The following ROBO1 variants were observed in gnomAD, a reference collection of about 807,000 sequenced individuals.
The protein encoded by ROBO1 is roundabout guidance receptor 1, also known as roundabout homolog 1.
Under a neutral mutation model 195.9 loss-of-function variants are expected in ROBO1, and 149 were observed. The observed-to-expected ratio is 0.76, with a 90% confidence interval of 0.67 to 0.87. The LOEUF (loss-of-function observed/expected upper bound fraction) is 0.87. Among genes scored for constraint, ROBO1 ranks in the 40% least tolerant of loss-of-function variants. The pLI, the probability that ROBO1 is intolerant of heterozygous loss-of-function variation, is 0.00. For missense variants in ROBO1, 1,933 were observed against 2,068.3 expected, an observed-to-expected ratio of 0.93 and a Z score of 1.27; for synonymous variants, 816 against 733.2, an observed-to-expected ratio of 1.11 and a Z score of -1.82.
At chr3:79,305,948 A>C (rs2033198639) in intron 2 of ROBO1, among the ~76,000 whole-genome samples, 3 of 152,322 alleles carry the variant, frequency 2.0e-5, no homozygotes, top group Admixed American at 2.0e-4. Context: ...ATAGCCATGG[A>C]AAGAGAGTGT....
chr3:79,676,879 C>A (rs1194279526), intron 1 of ROBO1, among the ~76,000 whole-genome samples: 1 of 152,026 alleles, frequency 6.6e-6, no homozygotes, highest in Non-Finnish European at 1.5e-5. Flanking sequence ...TGGAACCATA[C>A]TTAGGATCCA....
intron 2 of ROBO1, among the ~76,000 whole-genome samples, chr3:79,322,126 T>A (rs2034007333): frequency 6.6e-6 from 1 of 152,182 alleles, no homozygotes; most frequent in Non-Finnish European, 1.5e-5. Context: ...TTGCTTTACT[T>A]AAACAAATTA....
intron 2 of ROBO1, among the ~76,000 whole-genome samples, chr3:79,550,571 A>C (rs776712497): frequency 2.6e-5 from 4 of 152,248 alleles, no homozygotes; most frequent in Non-Finnish European, 2.9e-5. Context: ...TTTGGAATAC[A>C]TAAACCACTT....
At chr3:78,646,237 T>C in intron 20 of ROBO1, 47 bp from the exon 21 acceptor site, 1 of 1,541,442 alleles carries the variant, frequency 6.5e-7, no homozygotes, top group Non-Finnish European at 8.9e-7. Flanking sequence ...GACATATTTA[T>C]ATATCAAAAG....
At chr3:79,730,719 T>C (rs1474213153) in intron 1 of ROBO1, among the ~76,000 whole-genome samples, 1 of 151,806 alleles carries the variant, frequency 6.6e-6, no homozygotes, top group African/African-American at 2.4e-5. Context: ...GAATGGCAGT[T>C]GAAACAGTAA....
At chr3:79,580,401 G>A (rs1943621721) in intron 2 of ROBO1, among the ~76,000 whole-genome samples, 2 of 151,872 alleles carry the variant, frequency 1.3e-5, no homozygotes, top group Admixed American at 6.6e-5. Context: ...TTGGACCCTT[G>A]AGCCCAGGAG....
At chr3:79,030,107 G>T (rs901591886) in intron 3 of ROBO1, among the ~76,000 whole-genome samples, 9 of 152,154 alleles carry the variant, frequency 5.9e-5, no homozygotes, top group African/African-American at 2.2e-4. Flanking sequence ...CATGCTTTTG[G>T]CATTTCATCT....
At chr3:78,877,681 C>A (rs1440805341) in intron 4 of ROBO1, among the ~76,000 whole-genome samples, 1 of 152,110 alleles carries the variant, frequency 6.6e-6, no homozygotes, top group Admixed American at 6.5e-5. Context: ...CCTAAAGTAT[C>A]CCTGTAAACA....
Position 79,613,401 on chromosome 3 carries a change from G to C in ROBO1, c.-50-23440C>G, listed in dbSNP as rs943050249. Among the ~76,000 whole-genome samples the C allele has an allele frequency of 4.1e-4, 63 of 151,858 alleles. 1 individual carries two copies. Among genetic ancestry groups the C allele is most frequent in the Non-Finnish European group, 8.5e-4 (58 of 67,890 alleles). ...CAACAGCTGAGAAAGAAAGAAAGAA[G>C]TATAACTAACAAGCCAATAGTAGAT... On this transcript the variant is annotated intron_variant, in intron 1 of 30. Transcript: ENST00000464233.
chr3:79,182,815 C>T (rs954506990), intron 2 of ROBO1, among the ~76,000 whole-genome samples: 1 of 152,136 alleles, frequency 6.6e-6, no homozygotes, highest in African/African-American at 2.4e-5. Flanking sequence ...TGTAGTGGCT[C>T]ATGCCTGTAA....
chr3:79,726,201 C>T (rs940679944), intron 1 of ROBO1, among the ~76,000 whole-genome samples: 4 of 152,192 alleles, frequency 2.6e-5, no homozygotes, highest in African/African-American at 9.6e-5. Flanking sequence ...CAAAGAATGC[C>T]TTAGGGCATT....
intron 2 of ROBO1, among the ~76,000 whole-genome samples, chr3:79,568,923 A>C (rs533228584): frequency 6.6e-6 from 1 of 152,276 alleles, no homozygotes; most frequent in East Asian, 1.9e-4. Context: ...ATTTTGTTAC[A>C]TTTTTATTTT....
At chr3:79,356,633 T>TCTTTATCAGG (rs2035565694) in intron 2 of ROBO1, among the ~76,000 whole-genome samples, 1 of 152,210 alleles carries the variant, frequency 6.6e-6, no homozygotes, top group South Asian at 2.1e-4. Flanking sequence ...ACAAGACTCA[T>TCTTTATCAGG]AAGGTAACAA....
In ROBO1 at chr3:78,847,410, G is replaced by A. The variant is rs189326395; in HGVS notation, c.499+91191C>T. Among the ~76,000 whole-genome samples, 69 of 152,184 alleles carry A rather than the reference G, an allele frequency of 4.5e-4. 2 individuals are homozygous for A. In the East Asian group the frequency reaches 0.012, roughly 27 times the overall value. On this transcript the variant is annotated intron_variant, in intron 4 of 30. Transcript: ENST00000464233. ...AACGCATGTGCAAAGCTGGTAGCTC[G>A]TGGAGATTAGTTCCGCCAGAATGTA...
chr3:79,549,494 T>A (rs1457346848), intron 2 of ROBO1, among the ~76,000 whole-genome samples: 1 of 152,184 alleles, frequency 6.6e-6, no homozygotes, highest in African/African-American at 2.4e-5. Context: ...ATTGAAATTA[T>A]TTTTTAATAA....
intron 2 of ROBO1, among the ~76,000 whole-genome samples, chr3:79,154,888 A>C (rs895119093): frequency 6.6e-6 from 1 of 151,832 alleles, no homozygotes; most frequent in Non-Finnish European, 1.5e-5. Flanking sequence ...ATTTGCAATC[A>C]GTTTATTTAG....
chr3:79,466,921 C>T lies in ROBO1; in HGVS notation c.88+122903G>A, dbSNP rs377696751. 1.3e-5 allele frequency among the ~76,000 whole-genome samples: 2 copies of T among 151,826 alleles called. 1 individual carries two copies. Among genetic ancestry groups the T allele is most frequent in the Non-Finnish European group, 2.9e-5 (2 of 67,980 alleles). On this transcript the variant is annotated intron_variant, in intron 2 of 30. Coordinates refer to ENST00000464233, the MANE Select transcript of ROBO1 (RefSeq NM_002941.4). ...TCCAGAGGAAGCTTGGTCAAAATGA[C>T]GAAGATGGTGGAAACTATGATACTA...
intron 3 of ROBO1, among the ~76,000 whole-genome samples, chr3:78,975,049 G>C (rs933184956): frequency 6.6e-6 from 1 of 151,978 alleles, no homozygotes; most frequent in African/African-American, 2.4e-5. Context: ...TAATTTTCCT[G>C]GTGAGTTTGG....
intron 2 of ROBO1, among the ~76,000 whole-genome samples, chr3:79,557,271 A>C (rs1942736922): frequency 6.6e-6 from 1 of 152,120 alleles, no homozygotes; most frequent in South Asian, 2.1e-4. Flanking sequence ...AAAGAACTGA[A>C]GTTTGACTTT....
Sources: allele counts gnomAD v4.1 joint callset (sites outside exome capture counted in the v4.1 genomes callset), GRCh38; gene constraint gnomAD v4.1.1; transcripts MANE v1.5; gene names NCBI Gene and HGNC (gene_info 2026-07-23, HGNC 2026-07-21).